The following HSF5 variants were observed in gnomAD, a reference collection of about 807,000 sequenced individuals.
The protein encoded by HSF5 is heat shock transcription factor 5, also known as heat shock factor protein 5.
A neutral mutation model predicts 50.8 loss-of-function variants in HSF5; 5 were observed. The ratio of observed to expected loss-of-function variants is 0.10; its 90% CI spans 0.05 to 0.21. HSF5 has a LOEUF of 0.21. Ranked by LOEUF, HSF5 falls within the 10% of genes least tolerant of loss-of-function variation. HSF5 has a pLI of 1.00. For missense variants in HSF5, 564 were observed against 762.6 expected (o/e 0.74, Z 3.07); for synonymous variants, 307 against 307.4 (o/e 1.00, Z 0.02).
chr17:58,449,593 A>T (rs897769147), intron 5 of HSF5, among the ~76,000 whole-genome samples: 2 of 151,774 alleles, frequency 1.3e-5, no homozygotes, highest in Non-Finnish European at 2.9e-5. Flanking sequence ...CCAGCTACTC[A>T]GGAGGCTGAG....
chr17:58,453,386 G>C lies in HSF5; in HGVS notation c.1720+5382C>G, dbSNP rs149013882. 5.8e-3 allele frequency among the ~76,000 whole-genome samples: 882 copies of C among 152,272 alleles called. 5 individuals are homozygous for C. Among genetic ancestry groups the C allele is most frequent in the African/African-American group, 9.3e-3 (386 of 41,544 alleles). On this transcript the variant is annotated intron_variant, in intron 5 of 5. Transcript: ENST00000323777. The stretch of plus-strand genomic sequence containing the variant: ...AGGCAGGCAGATCACTTGAGGTCAG[G>C]AGTTTGAGACCAGCCTGACCAACAC...
chr17:58,439,779 C>T (rs1428772206), intron 5 of HSF5, among the ~76,000 whole-genome samples: 1 of 151,952 alleles, frequency 6.6e-6, no homozygotes, highest in Non-Finnish European at 1.5e-5. Flanking sequence ...CCACCATGCC[C>T]AACTGGAAAT....
chr17:58,432,525 G>A (rs1299895719), intron 5 of HSF5, among the ~76,000 whole-genome samples: 2 of 152,270 alleles, frequency 1.3e-5, no homozygotes, highest in East Asian at 3.9e-4. Context: ...GTAAAGGCTG[G>A]AGCATTCTTG....
At chr17:58,485,451 TCAAGTCTA>T (rs1975156667) in intron 1 of HSF5, among the ~76,000 whole-genome samples, 1 of 150,668 alleles carries the variant, frequency 6.6e-6, no homozygotes, top group South Asian at 2.1e-4. Context: ...GCATCAAAAA[TCAAGTCTA>T]CAGGCCTGGC....
chr17:58,431,836 C>T (rs1046345354), intron 5 of HSF5, among the ~76,000 whole-genome samples: 1 of 152,114 alleles, frequency 6.6e-6, no homozygotes, highest in Non-Finnish European at 1.5e-5. Flanking sequence ...TCAAACCTTA[C>T]CTCTTAGTGG....
chr17:58,484,694 C>G (rs1055009374), intron 1 of HSF5, among the ~76,000 whole-genome samples: 1 of 152,082 alleles, frequency 6.6e-6, no homozygotes, highest in Admixed American at 6.6e-5. Context: ...ATGGCCATCA[C>G]ATGGAAGTGG....
chr17:58,461,740 C>T (rs1974796405), intron 4 of HSF5, among the ~76,000 whole-genome samples: 1 of 152,038 alleles, frequency 6.6e-6, no homozygotes, highest in Non-Finnish European at 1.5e-5. Context: ...GACATGGTGG[C>T]TCGCCTGTAA....
chr17:58,479,830 T>A, intron 2 of HSF5, 63 bp downstream of exon 2: 3 of 1,295,214 alleles, frequency 2.3e-6, no homozygotes, highest in Middle Eastern at 2.0e-4. Flanking sequence ...GCATTTAAAA[T>A]ATATATATAT....
chr17:58,431,616 A>G (rs1464733789), intron 5 of HSF5, among the ~76,000 whole-genome samples: 1 of 152,180 alleles, frequency 6.6e-6, no homozygotes, highest in Non-Finnish European at 1.5e-5. Flanking sequence ...ATACCAAAAC[A>G]TATCTTAGTT....
chr17:58,430,768 T>C (rs918563454), intron 5 of HSF5, among the ~76,000 whole-genome samples: 1 of 152,176 alleles, frequency 6.6e-6, no homozygotes, highest in Non-Finnish European at 1.5e-5. Flanking sequence ...TCCATAACAG[T>C]ATATGCCAAT....
chr17:58,471,939 G>A (rs763183420), intron 2 of HSF5, among the ~76,000 whole-genome samples: 3 of 151,784 alleles, frequency 2.0e-5, no homozygotes, highest in African/African-American at 4.8e-5. Context: ...CTGCAGCCTC[G>A]GCCTCCCGGG....
intron 5 of HSF5, among the ~76,000 whole-genome samples, chr17:58,443,932 TGTATTTGTGCA>T (rs563287171): frequency 2.6e-4 from 39 of 152,310 alleles, no homozygotes; most frequent in Non-Finnish European, 5.1e-4. Context: ...ACAAGGAGAA[TGTATTTGTGCA>T]CTGTTTGTGA....
chr17:58,433,746 G>A (rs74652747), intron 5 of HSF5, among the ~76,000 whole-genome samples: 1,676 of 152,162 alleles, frequency 0.011, 15 homozygotes, highest in Middle Eastern at 0.041. Flanking sequence ...TGGCAACATG[G>A]CAGTCATTGG....
At chr17:58,458,328 C>A (rs562468185) in intron 5 of HSF5, among the ~76,000 whole-genome samples, 101 of 152,248 alleles carry the variant, frequency 6.6e-4, no homozygotes, top group African/African-American at 2.3e-3. Flanking sequence ...TTAAAATGCG[C>A]TCAGGATAAT....
chr17:58,439,656 G>A (rs1160331326), intron 5 of HSF5, among the ~76,000 whole-genome samples: 2 of 152,026 alleles, frequency 1.3e-5, no homozygotes, highest in Non-Finnish European at 2.9e-5. Context: ...AGCTAATTCT[G>A]TATTTTCAGT....
chr17:58,481,747 C>A (rs923701297), intron 1 of HSF5, among the ~76,000 whole-genome samples: 1 of 152,188 alleles, frequency 6.6e-6, no homozygotes. Context: ...TGCCTGTAAT[C>A]CCAGCACTTT....
intron 5 of HSF5, among the ~76,000 whole-genome samples, chr17:58,423,714 C>T (rs1424914725): frequency 6.6e-6 from 1 of 151,690 alleles, no homozygotes; most frequent in African/African-American, 2.4e-5. Flanking sequence ...CTCCTGACCT[C>T]GTGATCTGCC....
intron 3 of HSF5, among the ~76,000 whole-genome samples, chr17:58,465,840 G>A (rs1289093838): frequency 1.3e-5 from 2 of 152,120 alleles, no homozygotes; most frequent in African/African-American, 4.8e-5. Context: ...CTCCAAGCAA[G>A]TGTCTCCTAA....
chr17:58,477,260 C>T (rs1288716584), intron 2 of HSF5, among the ~76,000 whole-genome samples: 1 of 151,404 alleles, frequency 6.6e-6, no homozygotes, highest in Admixed American at 6.6e-5. Flanking sequence ...GCTGGGATTA[C>T]AGGCACCCGC....
Sources: gnomAD v4.1 joint callset for allele counts (sites outside exome capture counted in the v4.1 genomes callset) on GRCh38, gnomAD v4.1.1 for gene constraint, MANE v1.5 for transcripts, NCBI Gene and HGNC (gene_info 2026-07-23, HGNC 2026-07-21) for gene names.